The following NCKAP5 variants were observed in gnomAD, a reference collection of about 807,000 sequenced individuals.
NCKAP5 encodes the protein nck-associated protein 5.
Under a neutral mutation model 167.0 loss-of-function variants are expected in NCKAP5, and 92 were observed. That is an observed-to-expected ratio of 0.55 (90% CI 0.47 to 0.66). NCKAP5 has a LOEUF of 0.66. Among genes scored for constraint, NCKAP5 ranks in the 30% least tolerant of loss-of-function variants. The pLI, the probability that NCKAP5 is intolerant of heterozygous loss-of-function variation, is 0.00. For synonymous variants in NCKAP5, 891 were observed against 877.4 expected (o/e 1.02, Z -0.27); for missense variants, 2,378 against 2,315.0 (o/e 1.03, Z -0.56).
At chr2:133,523,139 A>G (rs1684611866) in intron 2 of NCKAP5, among the ~76,000 whole-genome samples, 2 of 151,452 alleles carry the variant, frequency 1.3e-5, no homozygotes, top group Admixed American at 1.3e-4. Flanking sequence ...CACAGTTAGT[A>G]ATGGCCTTTT....
At chr2:133,405,372 A>C (rs891209222) in intron 3 of NCKAP5, among the ~76,000 whole-genome samples, 64 of 152,242 alleles carry the variant, frequency 4.2e-4, no homozygotes, top group African/African-American at 1.5e-3. Context: ...TGCACTTATG[A>C]ACACCAGACA....
chr2:133,464,687 C>G (rs1692429210), intron 3 of NCKAP5, among the ~76,000 whole-genome samples: 1 of 152,188 alleles, frequency 6.6e-6, no homozygotes, highest in Non-Finnish European at 1.5e-5. Flanking sequence ...GAGACTCCAT[C>G]TTAAATAAAT....
chr2:133,317,180 G>A (rs573216548), intron 3 of NCKAP5, among the ~76,000 whole-genome samples: 1 of 152,126 alleles, frequency 6.6e-6, no homozygotes, highest in African/African-American at 2.4e-5. Flanking sequence ...AAGTCATAAA[G>A]CATTCTGGAA....
At chr2:133,526,610 T>G (rs1684947585) in intron 2 of NCKAP5, among the ~76,000 whole-genome samples, 1 of 152,148 alleles carries the variant, frequency 6.6e-6, no homozygotes, top group South Asian at 2.1e-4. Flanking sequence ...TTGCATGGGC[T>G]TAGACCAGGG....
At chr2:133,200,964 C>T (rs182257286) in intron 5 of NCKAP5, among the ~76,000 whole-genome samples, 1 of 152,288 alleles carries the variant, frequency 6.6e-6, no homozygotes, top group Admixed American at 6.5e-5. Context: ...CCTACATATA[C>T]TATTTTTTTC....
At chr2:133,296,762 C>T (rs1288577851) in intron 4 of NCKAP5, among the ~76,000 whole-genome samples, 2 of 152,142 alleles carry the variant, frequency 1.3e-5, no homozygotes, top group African/African-American at 4.8e-5. Context: ...TTATGCAGGC[C>T]AGACAAGAGT....
intron 3 of NCKAP5, among the ~76,000 whole-genome samples, chr2:133,490,896 T>C (rs1313575645): frequency 6.6e-6 from 1 of 152,216 alleles, no homozygotes; most frequent in Non-Finnish European, 1.5e-5. Flanking sequence ...GTTTATAATG[T>C]AAGTTTTATG....
At chr2:133,236,070 C>CAAAAAAA (rs527705526) in intron 4 of NCKAP5, among the ~76,000 whole-genome samples, 158 of 15,670 alleles carry the variant, frequency 0.01, 28 homozygotes, top group South Asian at 0.014. Flanking sequence ...TGTCTCAGAC[C>CAAAAAAA]AAAAAAAAAA....
At chr2:133,348,972 G>A (rs1684165978) in intron 3 of NCKAP5, among the ~76,000 whole-genome samples, 2 of 152,158 alleles carry the variant, frequency 1.3e-5, no homozygotes, top group Admixed American at 1.3e-4. Context: ...CTTATGCTGA[G>A]TAATGTAAAA....
rs758779660 is a variant in NCKAP5, at chr2:132,782,486, G to A, written c.4325C>T (p.Thr1442Ile). 4 of 1,610,754 alleles carry A rather than the reference G, an allele frequency of 2.5e-6. No individual in the cohort carries two copies. The highest frequency in any genetic ancestry group is 3.4e-6 in the Non-Finnish European group (4 of 1,178,578). Residue 1442 changes from threonine to isoleucine, a missense_variant, in exon 14 of 20, where the codon ACA becomes ATA. By Grantham distance (89) the Thr-to-Ile change is moderately conservative. Coordinates refer to ENST00000409261, the MANE Select transcript of NCKAP5 (RefSeq NM_207363.3). ...QHPSTFETSSTSKLETSGRHP... is the reference protein window; with the variant it reads ...QHPSTFETSSISKLETSGRHP... The stretch of plus-strand genomic sequence containing the variant: ...CCTTCCAGAAGTTTCTAGCTTGGAT[G>A]TACTGCTTGTTTCAAAAGTGCTTGG...
chr2:133,234,692 A>G (rs1334486909), intron 4 of NCKAP5, among the ~76,000 whole-genome samples: 3 of 152,048 alleles, frequency 2.0e-5, no homozygotes. Flanking sequence ...ATAATTTTCC[A>G]GGTGCTTTTG....
intron 2 of NCKAP5, among the ~76,000 whole-genome samples, chr2:133,555,056 T>C (rs1294518235): frequency 6.6e-6 from 1 of 152,172 alleles, no homozygotes; most frequent in Non-Finnish European, 1.5e-5. Context: ...AGGGCATCAC[T>C]TGATCTCTGT....
chr2:133,275,022 T>C (rs113256562), intron 4 of NCKAP5, among the ~76,000 whole-genome samples: 2,649 of 150,500 alleles, frequency 0.018, 34 homozygotes, highest in Non-Finnish European at 0.025. Context: ...ATGAAAAATA[T>C]GTATTATAAA....
chr2:133,537,147 C>G (rs1685826214), intron 2 of NCKAP5, among the ~76,000 whole-genome samples: 1 of 151,998 alleles, frequency 6.6e-6, no homozygotes, highest in Admixed American at 6.6e-5. Flanking sequence ...AATTCTCTAC[C>G]TGTGATGTAT....
At chr2:132,828,347 G>T (rs541686717) in intron 11 of NCKAP5, among the ~76,000 whole-genome samples, 18 of 152,100 alleles carry the variant, frequency 1.2e-4, no homozygotes, top group Non-Finnish European at 2.4e-4. Flanking sequence ...GGAGGTGATT[G>T]GATCAAGGGG....
chr2:133,041,842 G>T (rs1168110931), intron 6 of NCKAP5, among the ~76,000 whole-genome samples: 1 of 152,122 alleles, frequency 6.6e-6, no homozygotes, highest in Non-Finnish European at 1.5e-5. Context: ...AAAAAGGAAA[G>T]AAACAATGTA....
upstream of NCKAP5, among the ~76,000 whole-genome samples, chr2:133,571,882 C>G (rs1251770093): frequency 5.1e-4 from 77 of 151,888 alleles, 2 homozygotes; most frequent in Non-Finnish European, 5.9e-5. Context: ...TCTAATTTAC[C>G]CTTAAAAAAG....
chr2:133,110,723 T>C (rs1559148676), intron 6 of NCKAP5, among the ~76,000 whole-genome samples: 2 of 152,150 alleles, frequency 1.3e-5, no homozygotes, highest in Admixed American at 6.5e-5. Flanking sequence ...CATATAGAAA[T>C]ACAAAGTCAG....
intron 1 of NCKAP5, among the ~76,000 whole-genome samples, chr2:133,565,803 C>A (rs1003192283): frequency 2.0e-5 from 3 of 152,218 alleles, no homozygotes; most frequent in Non-Finnish European, 4.4e-5. Flanking sequence ...TTTTGCCAAC[C>A]AAGTCCTGAG....
Sources: gnomAD v4.1 joint callset for allele counts (sites outside exome capture counted in the v4.1 genomes callset) on GRCh38, gnomAD v4.1.1 for gene constraint, MANE v1.5 for transcripts, NCBI Gene and HGNC (gene_info 2026-07-23, HGNC 2026-07-21) for gene names.